The following NCAM2 variants were observed in gnomAD, a reference collection of about 807,000 sequenced individuals.
NCAM2 encodes the protein neural cell adhesion molecule 2.
NCAM2 carries 30 observed loss-of-function variants against 98.1 expected under a neutral mutation model. The observed-to-expected ratio is 0.31, with a 90% confidence interval of 0.23 to 0.41. The LOEUF is 0.41. NCAM2 is among the 10% of genes least tolerant of loss of function. NCAM2 has a pLI of 1.00. For synonymous variants in NCAM2, 368 were observed against 342.4 expected, an observed-to-expected ratio of 1.07 and a Z score of -0.83; for missense variants, 867 against 1,005.8, an observed-to-expected ratio of 0.86 and a Z score of 1.87.
chr21:21,085,090 A>G (rs1293488002), intron 1 of NCAM2, among the ~76,000 whole-genome samples: 3 of 152,136 alleles, frequency 2.0e-5, no homozygotes, highest in African/African-American at 7.2e-5. Context: ...CTGAAATTGA[A>G]TCTCTTTATT....
Position 21,444,169 on chromosome 21 carries a change from C to T in NCAM2, c.1654+11888C>T, listed in dbSNP as rs566185455. On this transcript the variant is annotated intron_variant, in intron 12 of 17. Coordinates refer to ENST00000400546, the MANE Select transcript of NCAM2 (RefSeq NM_004540.5). ...TGTGTATGTTGAACCAGATTTGCGT[C>T]CCAGAGATGAAGCTGACTTGATCAT... Among the ~76,000 whole-genome samples the T allele has an allele frequency of 3.3e-4, 51 of 152,268 alleles. 1 individual carries two copies. The Middle Eastern group carries it at 0.01, about 30-fold the overall frequency.
At chr21:21,504,501 A>T (rs1987848198) in intron 15 of NCAM2, among the ~76,000 whole-genome samples, 1 of 151,972 alleles carries the variant, frequency 6.6e-6, no homozygotes, top group Non-Finnish European at 1.5e-5. Context: ...GTGAAAATAC[A>T]TCATTAGTAG....
At position 21,284,352 on chromosome 21, in the gene NCAM2, G is replaced by C; in HGVS notation, c.289G>C (p.Asp97His). ...DAGIYRCQATDAKGQTQEATV... is the reference protein window; with the variant it reads ...DAGIYRCQATHAKGQTQEATV... The stretch of plus-strand genomic sequence containing the variant: ...AGGGATATATCGTTGTCAAGCAACA[G>C]ATGCCAAAGGACAAACACAAGAAGC... The change falls in exon 3 of 18, where the codon GAT (aspartate) becomes CAT (histidine). Residue 97 changes from aspartate to histidine, a missense_variant. Physicochemically the swap from Asp to His is moderately conservative, Grantham distance 81. Around this residue, in one of 5 missense-constraint regions of NCAM2, gnomAD observed 447 missense variants for 495.7 expected, o/e 0.90. Coordinates refer to ENST00000400546, the MANE Select transcript of NCAM2 (RefSeq NM_004540.5). 1.2e-6 allele frequency: 2 copies of C among 1,612,812 alleles called. No individual in the cohort carries two copies. Among genetic ancestry groups the C allele is most frequent in the Non-Finnish European group, 1.7e-6 (2 of 1,179,170 alleles).
intron 12 of NCAM2, among the ~76,000 whole-genome samples, chr21:21,457,807 C>G (rs10432932): frequency 0.14 from 20,780 of 151,996 alleles, 1,429 homozygotes; most frequent in Admixed American, 0.14. Context: ...TATTAAAGGG[C>G]TAGAGAAATA....
rs1018584736 is a variant in NCAM2, at chr21:21,046,108, A to G, written c.55+47490A>G. On this transcript the variant is annotated intron_variant, in intron 1 of 17. Transcript: ENST00000400546. The stretch of plus-strand genomic sequence containing the variant: ...ATGGGCATGCAGGCTAAGTGAAGTG[A>G]TATATGTAAAGCACTCCGAAAAACT... 2.0e-5 allele frequency among the ~76,000 whole-genome samples: 3 copies of G among 152,160 alleles called. No individual in the cohort carries two copies. The East Asian group carries it at 5.8e-4, about 29-fold the overall frequency.
rs147301125 is a variant in NCAM2, at chr21:21,015,418, T to G, written c.55+16800T>G. On this transcript the variant is annotated intron_variant, in intron 1 of 17. Transcript: ENST00000400546. ...CCTGATCAGGAAGTAACCATTTACA[T>G]GGAGGCAAGACCCTCTACCAGCTAA... is the stretch of plus-strand genomic sequence containing the variant. 5.0e-4 allele frequency among the ~76,000 whole-genome samples: 76 copies of G among 152,308 alleles called. No homozygotes were observed. The East Asian group carries it at 0.012, about 24-fold the overall frequency.
At chr21:21,000,848 T>A (rs1016017686) in intron 1 of NCAM2, among the ~76,000 whole-genome samples, 1 of 152,078 alleles carries the variant, frequency 6.6e-6, no homozygotes, top group Admixed American at 6.5e-5. Flanking sequence ...TGTTCTCTAA[T>A]TAAGGATGCA....
At chr21:21,365,572 C>T (rs1188347100) in intron 8 of NCAM2, among the ~76,000 whole-genome samples, 1 of 151,532 alleles carries the variant, frequency 6.6e-6, no homozygotes, top group African/African-American at 2.4e-5. Context: ...TAAGAAAAAA[C>T]AGAAACAGTA....
intron 8 of NCAM2, among the ~76,000 whole-genome samples, chr21:21,357,452 A>T (rs2075521023): frequency 6.6e-6 from 1 of 152,184 alleles, no homozygotes; most frequent in Non-Finnish European, 1.5e-5. Flanking sequence ...TCAAATAGAA[A>T]TCACCAAAAG....
intron 1 of NCAM2, among the ~76,000 whole-genome samples, chr21:21,071,862 C>T (rs2065571462): frequency 7.1e-6 from 1 of 141,708 alleles, no homozygotes; most frequent in South Asian, 2.2e-4. Flanking sequence ...AATTATTTGT[C>T]ATGTCTGCCT....
At chr21:21,001,964 AGC>A (rs2146101551) in intron 1 of NCAM2, among the ~76,000 whole-genome samples, 1 of 152,222 alleles carries the variant, frequency 6.6e-6, no homozygotes, top group Non-Finnish European at 1.5e-5. Context: ...TACAGGAGAG[AGC>A]TCCACAAACT....
chr21:21,413,817 G>A (rs2076934217), intron 10 of NCAM2, among the ~76,000 whole-genome samples: 1 of 152,192 alleles, frequency 6.6e-6, no homozygotes, highest in Non-Finnish European at 1.5e-5. Flanking sequence ...TGGAGTGGCT[G>A]TGGCAGTTTA....
At chr21:21,179,641 A>G (rs2068405753) in intron 1 of NCAM2, among the ~76,000 whole-genome samples, 1 of 152,194 alleles carries the variant, frequency 6.6e-6, no homozygotes, top group African/African-American at 2.4e-5. Context: ...GTTTTATTCA[A>G]ACTAGAAAAT....
chr21:21,404,761 T>C (rs1488657752), intron 9 of NCAM2, among the ~76,000 whole-genome samples: 1 of 151,814 alleles, frequency 6.6e-6, no homozygotes, highest in Non-Finnish European at 1.5e-5. Flanking sequence ...TATATATTCA[T>C]ATGTGTGTTT....
intron 8 of NCAM2, among the ~76,000 whole-genome samples, chr21:21,365,370 C>T (rs932814141): frequency 5.3e-5 from 8 of 151,790 alleles, no homozygotes; most frequent in African/African-American, 1.9e-4. Context: ...TTGTTCCCAA[C>T]TCACCTAACA....
At chr21:21,164,778 G>A (rs1601542281) in intron 1 of NCAM2, among the ~76,000 whole-genome samples, 1 of 152,244 alleles carries the variant, frequency 6.6e-6, no homozygotes, top group East Asian at 1.9e-4. Context: ...TATGCCTGGT[G>A]TTAGGGGTCA....
At chr21:21,077,941 A>G (rs1287020114) in intron 1 of NCAM2, among the ~76,000 whole-genome samples, 1 of 152,134 alleles carries the variant, frequency 6.6e-6, no homozygotes, top group African/African-American at 2.4e-5. Context: ...GTACCAGTAA[A>G]TTTTGGAGGT....
intron 1 of NCAM2, among the ~76,000 whole-genome samples, chr21:21,221,125 G>A (rs113907210): frequency 2.6e-5 from 4 of 152,192 alleles, no homozygotes; most frequent in Admixed American, 6.6e-5. Flanking sequence ...GGGGCACCAC[G>A]AACTGCACTC....
chr21:21,300,155 T>A (rs1425381893), intron 5 of NCAM2, among the ~76,000 whole-genome samples: 2 of 69,190 alleles, frequency 2.9e-5, no homozygotes, highest in East Asian at 6.9e-4. Flanking sequence ...GTAAATGCCC[T>A]ATTCTTAAAA....
Sources: allele counts gnomAD v4.1 joint callset (sites outside exome capture counted in the v4.1 genomes callset), GRCh38; gene constraint gnomAD v4.1.1; regional missense constraint gnomAD v4.1.1; transcripts MANE v1.5; gene names NCBI Gene and HGNC (gene_info 2026-07-23, HGNC 2026-07-21).